The following INSR variants were observed in gnomAD, a reference collection of about 807,000 sequenced individuals.
The protein encoded by INSR is insulin receptor, also known as IR.
In INSR, 67 loss-of-function variants were observed where a neutral mutation model predicts 142.6. That is an observed-to-expected ratio of 0.47 (90% CI 0.39 to 0.58). INSR has a LOEUF of 0.58. Ranked by LOEUF, INSR falls within the 20% of genes least tolerant of loss-of-function variation. INSR has a pLI of 0.00. For missense variants in INSR, 1,248 were observed against 1,833.2 expected, an observed-to-expected ratio of 0.68 and a Z score of 5.83; for synonymous variants, 756 against 743.1, an observed-to-expected ratio of 1.02 and a Z score of -0.28.
chr19:7,290,778 GA>G (rs937960720), intron 1 of INSR, among the ~76,000 whole-genome samples: 1,692 of 122,610 alleles, frequency 0.014, 37 homozygotes, highest in African/African-American at 0.046. Context: ...AAAAAAAAAA[GA>G]AAAAAAAAAA....
chr19:7,203,012 T>G (rs1446887092), intron 2 of INSR, among the ~76,000 whole-genome samples: 4 of 120,654 alleles, frequency 3.3e-5, no homozygotes, highest in Admixed American at 2.5e-4. Flanking sequence ...TTTTTTTTTT[T>G]TTCAGATTTA....
intron 1 of INSR, among the ~76,000 whole-genome samples, chr19:7,275,912 T>C (rs191851979): frequency 6.6e-6 from 1 of 152,228 alleles, no homozygotes; most frequent in East Asian, 1.9e-4. Context: ...CAGAGCTGTA[T>C]TGGACCGTGC....
At chr19:7,152,580 C>T (rs1363370702) in intron 10 of INSR, 146 bp downstream of exon 10, 3 of 773,582 alleles carry the variant, frequency 3.9e-6, no homozygotes, top group East Asian at 2.4e-5. Context: ...AGATCTCTTC[C>T]TCCACCCAGG....
chr19:7,192,695 G>A lies in INSR; in HGVS notation c.653-8058C>T, dbSNP rs533853455. ...TGTGTATGTAGGGAACATCTACCCA[G>A]ACCTCCCCTCTCCAAAAATGCAAGT... On this transcript the variant is annotated intron_variant, in intron 2 of 21. Coordinates refer to ENST00000302850, the MANE Select transcript of INSR (RefSeq NM_000208.4). This position sits in a 1 kb window ranked among gnomAD's most constrained non-coding sequence, Gnocchi z 4.2. Among the ~76,000 whole-genome samples the A allele has an allele frequency of 3.3e-5, 5 of 152,252 alleles. No homozygotes were observed. The South Asian group carries it at 1.0e-3, about 32-fold the overall frequency.
intron 3 of INSR, among the ~76,000 whole-genome samples, chr19:7,181,631 G>A (rs1043384861): frequency 1.0e-4 from 15 of 150,314 alleles, no homozygotes; most frequent in South Asian, 4.2e-4. Context: ...GTGCAATGGC[G>A]TGATCTCAGC....
chr19:7,197,516 G>GGGGT (rs1974790392), intron 2 of INSR, among the ~76,000 whole-genome samples: 1 of 70,856 alleles, frequency 1.4e-5, no homozygotes, highest in Non-Finnish European at 2.8e-5. Context: ...TGGGAGTGGG[G>GGGGT]GTGTGTGTGT....
intron 2 of INSR, among the ~76,000 whole-genome samples, chr19:7,232,151 C>A (rs886944050): frequency 6.6e-6 from 1 of 152,150 alleles, no homozygotes; most frequent in Non-Finnish European, 1.5e-5. Context: ...GGTGGTTACA[C>A]AGGTGCATAT....
intron 2 of INSR, among the ~76,000 whole-genome samples, chr19:7,245,018 C>T (rs1976496138): frequency 6.7e-6 from 1 of 149,534 alleles, no homozygotes. Flanking sequence ...TCACTGCAAG[C>T]TCCGCCTCCC....
In INSR at chr19:7,122,571, T is replaced by C. The variant is rs771528431; in HGVS notation, c.3529+43A>G. ...GACAACTTCCTTCTGAAATCAAACC[T>C]GGCCTGGGTCGTTATGTTTTCAAAG... On this transcript the variant is annotated intron_variant, in intron 19 of 21. Coordinates refer to ENST00000302850, the MANE Select transcript of INSR (RefSeq NM_000208.4). The C allele has an allele frequency of 3.1e-6, 5 of 1,610,628 alleles. No individual in the cohort carries two copies. The East Asian group carries it at 1.1e-4, about 36-fold the overall frequency.
intron 1 of INSR, among the ~76,000 whole-genome samples, chr19:7,270,887 C>T (rs970656953): frequency 3.3e-5 from 5 of 151,854 alleles, no homozygotes; most frequent in East Asian, 1.9e-4. Flanking sequence ...GGTGAAACTC[C>T]GTCTCTACTA....
At position 7,206,147 on chromosome 19, in the gene INSR, G is replaced by A. The variant is rs549156427; in HGVS notation, c.653-21510C>T. ...ATTTCATGGGAAGAGAGGGTTGGAT[G>A]GATTAAACCAGGGGTCCCCCACCCC... On this transcript the variant is annotated intron_variant, in intron 2 of 21. Transcript: ENST00000302850. Among the ~76,000 whole-genome samples the A allele has an allele frequency of 4.6e-5, 7 of 151,236 alleles. No individual in the cohort carries two copies. The East Asian group carries it at 1.4e-3, about 30-fold the overall frequency.
chr19:7,114,860 C>T lies in INSR; in HGVS notation c.*2196G>A, dbSNP rs1972284561. ...TGAAAATTGCAGCTAGTGTAGTATA[C>T]AACCACTACAAATTTACTAAGAAGA... is the stretch of plus-strand genomic sequence containing the variant. On this transcript the variant is annotated 3_prime_UTR_variant, in exon 22 of 22. Coordinates refer to ENST00000302850, the MANE Select transcript of INSR (RefSeq NM_000208.4). 2 of 151,494 alleles carry T rather than the reference C, an allele frequency of 1.3e-5. No homozygotes were observed. The highest frequency in any genetic ancestry group is 1.3e-4 in the Admixed American group (2 of 15,188). 9.4% of individuals were successfully genotyped at this position (151,494 alleles called of 1,614,324 possible).
chr19:7,197,918 AGTGT>A (rs71864058), intron 2 of INSR, among the ~76,000 whole-genome samples: 4,258 of 100,216 alleles, frequency 0.042, 323 homozygotes, highest in African/African-American at 0.12. Context: ...CCAGAGTGAG[AGTGT>A]GTGTGTGTGT....
intron 3 of INSR, among the ~76,000 whole-genome samples, chr19:7,181,468 C>T (rs1181317410): frequency 1.3e-5 from 2 of 152,028 alleles, no homozygotes; most frequent in Non-Finnish European, 2.9e-5. Flanking sequence ...AAAATTTATT[C>T]ATCACAAATA....
At chr19:7,202,806 C>T (rs536820932) in intron 2 of INSR, among the ~76,000 whole-genome samples, 7 of 152,148 alleles carry the variant, frequency 4.6e-5, no homozygotes, top group African/African-American at 9.6e-5. Context: ...CAGCCCTTTT[C>T]GGTTTTTTTG....
chr19:7,202,662 A>G (rs950776332), intron 2 of INSR, among the ~76,000 whole-genome samples: 3 of 151,894 alleles, frequency 2.0e-5, no homozygotes, highest in African/African-American at 7.3e-5. Flanking sequence ...CACCACCCTC[A>G]GCTAATTTTT....
chr19:7,233,770 G>A (rs1976072026), intron 2 of INSR, among the ~76,000 whole-genome samples: 1 of 143,232 alleles, frequency 7.0e-6, no homozygotes, highest in Non-Finnish European at 1.5e-5. Context: ...CCGCCCCCTG[G>A]GTTCACGCCA....
At chr19:7,268,196 T>C (rs1967799963) in intron 1 of INSR, among the ~76,000 whole-genome samples, 2 of 152,042 alleles carry the variant, frequency 1.3e-5, no homozygotes, top group South Asian at 4.1e-4. Context: ...GGGGATTGAG[T>C]AACGCGGCAG....
chr19:7,253,151 C>G (rs1976783946), intron 2 of INSR, among the ~76,000 whole-genome samples: 1 of 151,906 alleles, frequency 6.6e-6, no homozygotes, highest in Admixed American at 6.6e-5. Context: ...CCCTCTACCC[C>G]AAACCCTCTA....
Sources: gnomAD v4.1 joint callset for allele counts (sites outside exome capture counted in the v4.1 genomes callset) on GRCh38, gnomAD v4.1.1 for gene constraint, Gnocchi (gnomAD v3.1) non-coding constraint, MANE v1.5 for transcripts, NCBI Gene and HGNC (gene_info 2026-07-23, HGNC 2026-07-21) for gene names.